PPP2R5C: variants seen among roughly 807,000 people sequenced by gnomAD.
PPP2R5C encodes the protein serine/threonine-protein phosphatase 2A 56 kDa regulatory subunit gamma isoform.
In PPP2R5C, 7 loss-of-function variants were observed where a neutral mutation model predicts 68.9. The ratio of observed to expected loss-of-function variants is 0.10; its 90% confidence interval spans 0.06 to 0.19. PPP2R5C has a LOEUF of 0.19. PPP2R5C is among the 10% of genes least tolerant of loss of function. PPP2R5C has a pLI of 1.00. For missense variants in PPP2R5C, 348 were observed against 641.3 expected (o/e 0.54, Z 4.94); for synonymous variants, 210 against 222.2 (o/e 0.95, Z 0.49).
At chr14:101,836,380 C>G (rs1299781981) in intron 1 of PPP2R5C, 8 of 702,234 alleles carry the variant, frequency 1.1e-5, no homozygotes, top group Non-Finnish European at 2.1e-5. Flanking sequence ...TGCCTCTACT[C>G]CCGACCTGCC....
rs1218108319 is a variant in PPP2R5C, at chr14:101,920,759, T to G, written c.1443+2812T>G. 2.0e-5 allele frequency among the ~76,000 whole-genome samples: 3 copies of G among 152,186 alleles called. No homozygotes were observed. The East Asian group carries it at 5.8e-4, about 29-fold the overall frequency. ...TAATAATACTATGCAATTCCAAGACTTCTTATAGTTTTTGTTTGTGTTTGG... is the reference window on the plus strand; with the variant it reads ...TAATAATACTATGCAATTCCAAGACGTCTTATAGTTTTTGTTTGTGTTTGG... On this transcript the variant is annotated intron_variant, in intron 13 of 13. Transcript: ENST00000334743.
At chr14:101,855,776 A>G (rs1362802177) in intron 1 of PPP2R5C, among the ~76,000 whole-genome samples, 1 of 152,204 alleles carries the variant, frequency 6.6e-6, no homozygotes, top group Non-Finnish European at 1.5e-5. Flanking sequence ...ACTTCCCAGA[A>G]TACTGGACCG....
At chr14:101,920,533 CTA>C (rs2046948188) in intron 13 of PPP2R5C, among the ~76,000 whole-genome samples, 1 of 152,194 alleles carries the variant, frequency 6.6e-6, no homozygotes. Context: ...CCTTAGATCT[CTA>C]TGAATTATGT....
rs1213967069 is a variant in PPP2R5C, at chr14:101,877,033, C to G, written c.295-5128C>G. Among the ~76,000 whole-genome samples the G allele has an allele frequency of 2.1e-5, 3 of 141,862 alleles. No homozygotes were observed. Among genetic ancestry groups the G allele is most frequent in the African/African-American group, 7.9e-5 (3 of 37,898 alleles). The allele number at this position is 141,862 out of a possible 152,430, so 93.1% of individuals were successfully genotyped here. A position where few individuals can be genotyped will look rare whatever the true frequency, so the allele number is the denominator to read the frequency against. ...GTGCAATCTCGGTTCACTGCAACTTCCACCTCCCAGATTCAAGTGATTCTC... is the reference window on the plus strand; with the variant it reads ...GTGCAATCTCGGTTCACTGCAACTTGCACCTCCCAGATTCAAGTGATTCTC... On this transcript the variant is annotated intron_variant, in intron 2 of 13. Transcript: ENST00000334743. The surrounding 1 kb of genome is among the most constrained non-coding windows in gnomAD (Gnocchi z 4.2).
chr14:101,904,695 A>G (rs1007987533), intron 9 of PPP2R5C, among the ~76,000 whole-genome samples: 3 of 152,060 alleles, frequency 2.0e-5, no homozygotes, highest in Non-Finnish European at 4.4e-5. Flanking sequence ...CCACCCATAC[A>G]CACCGCACCA....
intron 1 of PPP2R5C, among the ~76,000 whole-genome samples, chr14:101,832,354 G>A (rs1336315604): frequency 6.6e-6 from 1 of 152,166 alleles, no homozygotes; most frequent in Non-Finnish European, 1.5e-5. Context: ...ATTATATATT[G>A]ATGAATGTGA....
rs11325673 is a variant in PPP2R5C, at chr14:101,924,445, C to CTTTTTTTTTTTTTTTTTTTT, written c.1444-684_1444-683insTTTTTTTTTTTTTTTTTTTT. On this transcript the variant is annotated intron_variant, in intron 13 of 13. Transcript: ENST00000334743. ...TTTACCTCCAAGGAAATTTCTACAT[C>CTTTTTTTTTTTTTTTTTTTT]TTTTTTTTTTTTGAGATGGAGTCTG... Among the ~76,000 whole-genome samples the CTTTTTTTTTTTTTTTTTTTT allele has an allele frequency of 2.0e-3, 170 of 84,442 alleles. 25 individuals carry two copies. The highest frequency in any genetic ancestry group is 2.7e-3 in the South Asian group (6 of 2,238). The allele number at this position is 84,442 out of a possible 152,430, so 55.4% of individuals were successfully genotyped here.
intron 8 of PPP2R5C, among the ~76,000 whole-genome samples, chr14:101,897,337 G>C (rs149544556): frequency 2.0e-5 from 3 of 151,842 alleles, no homozygotes; most frequent in African/African-American, 7.3e-5. Context: ...TTCTCCAGTG[G>C]TTACATGCCC....
intron 3 of PPP2R5C, among the ~76,000 whole-genome samples, chr14:101,788,891 A>C (rs2038240074): frequency 6.6e-6 from 1 of 152,084 alleles, no homozygotes; most frequent in African/African-American, 2.4e-5. Context: ...TTGTTTTCTG[A>C]CTTATAAAAT....
intron 3 of PPP2R5C, among the ~76,000 whole-genome samples, chr14:101,786,724 A>G (rs931611277): frequency 6.6e-6 from 1 of 152,200 alleles, no homozygotes; most frequent in African/African-American, 2.4e-5. Context: ...CCCAAATGAC[A>G]CAGCCATCTC....
chr14:101,836,518 T>G, intron 1 of PPP2R5C: 1 of 585,580 alleles, frequency 1.7e-6, no homozygotes, highest in Non-Finnish European at 3.1e-6. Context: ...TAGTTCTTTT[T>G]CAAAATATTG....
At position 101,879,628 on chromosome 14, in the gene PPP2R5C, G is replaced by A. The variant is rs935098609; in HGVS notation, c.295-2533G>A. Among the ~76,000 whole-genome samples, 1 of 152,174 alleles carries A rather than the reference G, an allele frequency of 6.6e-6. No individual in the cohort carries two copies. Among genetic ancestry groups the A allele is most frequent in the African/African-American group, 2.4e-5 (1 of 41,448 alleles). On this transcript the variant is annotated intron_variant, in intron 2 of 13. Coordinates refer to ENST00000334743, the Ensembl canonical transcript of PPP2R5C. The surrounding 1 kb of genome is among the most constrained non-coding windows in gnomAD (Gnocchi z 4.2). ...CCTCCCCACACTGTGCTCTGCCCCT[G>A]TCGGCACCAGGCCGGGCCCACAGCT...
At chr14:101,912,368 C>G (rs1198544400) in intron 11 of PPP2R5C, 33 bp from the exon 14 acceptor site, 4 of 1,565,754 alleles carry the variant, frequency 2.6e-6, no homozygotes, top group Non-Finnish European at 3.5e-6. Context: ...TCTGATGCAT[C>G]TCTAACACAG....
Position 101,917,783 on chromosome 14 carries a change from T to C in PPP2R5C, c.1327-48T>C, listed in dbSNP as rs753447724. The C allele has an allele frequency of 3.9e-5, 62 of 1,607,384 alleles. No individual in the cohort carries two copies. Among genetic ancestry groups the C allele is most frequent in the Middle Eastern group, 3.5e-4 (2 of 5,744 alleles). ...CCTAGCCAGGATGAGAAGCTTGGAG[T>C]TCAGAGCCTGGGCACCTAACAGAGC... On this transcript the variant is annotated intron_variant, in intron 12 of 13. Coordinates refer to ENST00000334743, the Ensembl canonical transcript of PPP2R5C. The surrounding 1 kb of genome is among the most constrained non-coding windows in gnomAD (Gnocchi z 4.4).
intron 3 of PPP2R5C, among the ~76,000 whole-genome samples, chr14:101,795,481 A>G (rs116699235): frequency 6.6e-6 from 1 of 152,070 alleles, no homozygotes; most frequent in African/African-American, 2.4e-5. Flanking sequence ...ACATTTTTGG[A>G]CTGGAAGGTG....
chr14:101,831,089 G>T (rs1290639254), intron 1 of PPP2R5C, among the ~76,000 whole-genome samples: 2 of 152,152 alleles, frequency 1.3e-5, no homozygotes, highest in African/African-American at 2.4e-5. Context: ...GTGCAGGGCT[G>T]GCAGCTACAT....
exon 11 of PPP2R5C, chr14:101,909,589 G>A (rs2046272062): frequency 6.2e-7 from 1 of 1,602,390 alleles, no homozygotes; most frequent in Non-Finnish European, 8.5e-7. Context: ...TTCTTTATAG[G>A]ACAATACATG....
chr14:101,760,715 A>G (rs1447641545), upstream of PPP2R5C: 1 of 943,568 alleles, frequency 1.1e-6, no homozygotes, highest in Non-Finnish European at 1.2e-6. Context: ...GGAGCTGCGG[A>G]AAGCTGAGCT....
At chr14:101,865,572 A>G (rs1469557845) in intron 2 of PPP2R5C, among the ~76,000 whole-genome samples, 1 of 152,184 alleles carries the variant, frequency 6.6e-6, no homozygotes, top group Admixed American at 6.5e-5. Flanking sequence ...CTCTGGGCAG[A>G]TGAAACGGTC....
Sources: gnomAD v4.1 joint callset for allele counts (sites outside exome capture counted in the v4.1 genomes callset) on GRCh38, gnomAD v4.1.1 for gene constraint, Gnocchi (gnomAD v3.1) non-coding constraint, MANE v1.5 for transcripts, NCBI Gene and HGNC (gene_info 2026-07-23, HGNC 2026-07-21) for gene names.